Variants in C21orf91 observed in about 807,000 individuals in gnomAD.
C21orf91 encodes chromosome 21 open reading frame 91.
A neutral mutation model predicts 32.9 loss-of-function variants in C21orf91; 26 were observed. The observed-to-expected ratio is 0.79, with a 90% confidence interval of 0.58 to 1.10. C21orf91 has a LOEUF of 1.10. Among genes scored for constraint, C21orf91 ranks in the 50% least tolerant of loss-of-function variants. C21orf91 has a pLI of 0.00. For missense variants in C21orf91, 310 were observed against 341.3 expected, an observed-to-expected ratio of 0.91 and a Z score of 0.72; for synonymous variants, 126 against 120.4, an observed-to-expected ratio of 1.05 and a Z score of -0.31.
chr21:17,813,405 A>T (rs1206295156), intron 2 of C21orf91, among the ~76,000 whole-genome samples: 1 of 152,254 alleles, frequency 6.6e-6, no homozygotes, highest in African/African-American at 2.4e-5. Flanking sequence ...AAGATTAAAC[A>T]TAGACACTAA....
At chr21:17,799,460 G>C (rs535923914) in intron 2 of C21orf91, among the ~76,000 whole-genome samples, 1 of 152,200 alleles carries the variant, frequency 6.6e-6, no homozygotes, top group East Asian at 1.9e-4. Flanking sequence ...GAAGAAACCT[G>C]GGTGTCCTCC....
intron 2 of C21orf91, among the ~76,000 whole-genome samples, chr21:17,813,149 G>C (rs1191004802): frequency 2.0e-5 from 3 of 152,198 alleles, no homozygotes; most frequent in Non-Finnish European, 4.4e-5. Flanking sequence ...TGAGAAAGAG[G>C]CTAATGCCAG....
chr21:17,803,815 AG>A (rs954814759), intron 2 of C21orf91, among the ~76,000 whole-genome samples: 1 of 152,232 alleles, frequency 6.6e-6, no homozygotes, highest in Non-Finnish European at 1.5e-5. Context: ...AAAGGAATAA[AG>A]GAAAAGCCCT....
At chr21:17,797,328 CT>C (rs2062527529) in intron 2 of C21orf91, among the ~76,000 whole-genome samples, 1 of 151,930 alleles carries the variant, frequency 6.6e-6, no homozygotes, top group South Asian at 2.1e-4. Context: ...ATAGCAAAAT[CT>C]TTCTAAGAAC....
chr21:17,797,462 A>C (rs1393151398), intron 2 of C21orf91, among the ~76,000 whole-genome samples: 3 of 152,022 alleles, frequency 2.0e-5, no homozygotes, highest in Non-Finnish European at 2.9e-5. Context: ...TTCTTCATGA[A>C]ACCTTCTGAA....
At chr21:17,805,946 A>C (rs948189914) in intron 2 of C21orf91, among the ~76,000 whole-genome samples, 1 of 146,418 alleles carries the variant, frequency 6.8e-6, no homozygotes, top group African/African-American at 2.6e-5. Context: ...TGGAGACACC[A>C]ACTTACAGCA....
Position 17,793,346 on chromosome 21 carries a change from A to G in C21orf91, c.*69T>C. 1 of 1,258,978 alleles carries G rather than the reference A, an allele frequency of 7.9e-7. No homozygotes were observed. 78.0% of individuals were successfully genotyped at this position (1,258,978 alleles called of 1,614,324 possible). On this transcript the variant is annotated 3_prime_UTR_variant, in exon 5 of 5. Transcript: ENST00000284881. Reference sequence around the variant, plus strand: ...AAAAAACGGACCACAACTTTCTTCAAACTTCTTCAAAGTTTGCATGTCTGG... The same window carrying G: ...AAAAAACGGACCACAACTTTCTTCAGACTTCTTCAAAGTTTGCATGTCTGG...
chr21:17,802,928 A>C (rs2146253937), intron 2 of C21orf91, among the ~76,000 whole-genome samples: 1 of 152,352 alleles, frequency 6.6e-6, no homozygotes, highest in East Asian at 1.9e-4. Context: ...CTCCACAGGG[A>C]GAGCAAATAT....
chr21:17,807,715 C>T (rs956271273), intron 2 of C21orf91, among the ~76,000 whole-genome samples: 2 of 152,156 alleles, frequency 1.3e-5, no homozygotes, highest in Non-Finnish European at 2.9e-5. Context: ...GTAAAGGTCA[C>T]TCTTGCTATG....
At chr21:17,798,534 T>G (rs1409742692) in intron 2 of C21orf91, among the ~76,000 whole-genome samples, 1 of 152,222 alleles carries the variant, frequency 6.6e-6, no homozygotes, top group Non-Finnish European at 1.5e-5. Flanking sequence ...TTTTTTCCAA[T>G]GAGTACAAAA....
rs576049140 is a variant in C21orf91, at chr21:17,799,804, G to A, written c.128-2686C>T. Among the ~76,000 whole-genome samples the A allele has an allele frequency of 1.2e-4, 19 of 152,114 alleles. No homozygotes were observed. In the East Asian group the frequency reaches 2.7e-3, roughly 22 times the overall value. On this transcript the variant is annotated intron_variant, in intron 2 of 4. Coordinates refer to ENST00000284881, the MANE Select transcript of C21orf91 (RefSeq NM_001100420.2). ...CATATATTCTCAGTGTCAAAATGCC[G>A]GGCACATAGTGGGTACTCAAAAGTA...
At chr21:17,806,830 A>G (rs1423561753) in intron 2 of C21orf91, among the ~76,000 whole-genome samples, 1 of 152,064 alleles carries the variant, frequency 6.6e-6, no homozygotes, top group Non-Finnish European at 1.5e-5. Flanking sequence ...ACAAAGCGAC[A>G]CTGCACTCCA....
intron 2 of C21orf91, among the ~76,000 whole-genome samples, chr21:17,800,194 A>G (rs1473761502): frequency 1.3e-5 from 2 of 152,246 alleles, no homozygotes; most frequent in Non-Finnish European, 2.9e-5. Flanking sequence ...TCATCTAGAT[A>G]TATACCTCTA....
In C21orf91 at chr21:17,793,171, CAT is replaced by C. The variant is rs201763876; in HGVS notation, c.*242_*243del. 3,782 of 293,360 alleles carry C rather than the reference CAT, an allele frequency of 0.013. 51 individuals carry two copies. The highest frequency in any genetic ancestry group is 0.058 in the Middle Eastern group (58 of 1,000). 18.2% of individuals were successfully genotyped at this position (293,360 alleles called of 1,614,324 possible). ...CTGTAACAGTATATTTAAGTAGTCACATGTGATAAAATTTGTTTAGTAATTCT... is the reference window on the plus strand; with the variant it reads ...CTGTAACAGTATATTTAAGTAGTCACGTGATAAAATTTGTTTAGTAATTCT... On this transcript the variant is annotated 3_prime_UTR_variant, in exon 5 of 5. Coordinates refer to ENST00000284881, the MANE Select transcript of C21orf91 (RefSeq NM_001100420.2).
chr21:17,814,731 G>C (rs2062654591), intron 2 of C21orf91, among the ~76,000 whole-genome samples: 1 of 152,094 alleles, frequency 6.6e-6, no homozygotes, highest in African/African-American at 2.4e-5. Flanking sequence ...CAGCACTGAG[G>C]GGATGGTGCT....
At chr21:17,797,246 A>C in intron 2 of C21orf91, 128 bp from the exon 3 acceptor site, 2 of 578,556 alleles carry the variant, frequency 3.5e-6, no homozygotes, top group Non-Finnish European at 6.0e-6. Flanking sequence ...AATGCTAAAG[A>C]ATATTAGTAT....
At chr21:17,794,422 A>C (rs569191566) in intron 4 of C21orf91, among the ~76,000 whole-genome samples, 1 of 152,344 alleles carries the variant, frequency 6.6e-6, no homozygotes, top group African/African-American at 2.4e-5. Flanking sequence ...TTAAAAAGTT[A>C]TCTCTTTTAG....
At chr21:17,800,040 G>C (rs1012267467) in intron 2 of C21orf91, among the ~76,000 whole-genome samples, 4 of 151,930 alleles carry the variant, frequency 2.6e-5, no homozygotes, top group Non-Finnish European at 5.9e-5. Context: ...CATATCAGTG[G>C]CACTGATACA....
rs893390507 is a variant in C21orf91 at position 17,790,089 on chromosome 21, A to T, written c.*3326T>A. 2 of 152,132 alleles carry T rather than the reference A, an allele frequency of 1.3e-5. No homozygotes were observed. The highest frequency in any genetic ancestry group is 2.9e-5 in the Non-Finnish European group (2 of 67,960). 9.4% of individuals were successfully genotyped at this position (152,132 alleles called of 1,614,324 possible). A position where few individuals can be genotyped will look rare whatever the true frequency, so the allele number is the denominator to read the frequency against. On this transcript the variant is annotated 3_prime_UTR_variant, in exon 5 of 5. Coordinates refer to ENST00000284881, the MANE Select transcript of C21orf91 (RefSeq NM_001100420.2). ...ATCAGAAAAAGTTGACAATAGAAGA[A>T]TTTTACATGGTACCATTTCAAATTT...
Sources: gnomAD v4.1 joint callset for allele counts (sites outside exome capture counted in the v4.1 genomes callset) on GRCh38, gnomAD v4.1.1 for gene constraint, MANE v1.5 for transcripts, NCBI Gene and HGNC (gene_info 2026-07-23, HGNC 2026-07-21) for gene names.